IL9R: variants seen among roughly 807,000 people sequenced by gnomAD.
IL9R encodes the protein interleukin 9 receptor, also known as interleukin-9 receptor.
IL9R carries 54 observed loss-of-function variants against 56.3 expected under a neutral mutation model. The ratio of observed to expected loss-of-function variants is 0.96; its 90% confidence interval spans 0.77 to 1.20. The LOEUF is 1.20. Ranked by LOEUF, IL9R falls within the 50% of genes most tolerant of loss-of-function variation. IL9R has a pLI of 0.00. For synonymous variants in IL9R, 212 were observed against 250.2 expected (o/e 0.85, Z 1.44); for missense variants, 545 against 629.8 (o/e 0.87, Z 1.44).
intron 1 of IL9R, among the ~76,000 whole-genome samples, chrX:155,999,061 G>A (rs1420138812): frequency 2.0e-5 from 3 of 152,098 alleles, no homozygotes; most frequent in African/African-American, 7.2e-5. Flanking sequence ...AGAGTTGCCT[G>A]TGCTCAGGCT....
At chrX:155,997,913 G>A in intron 1 of IL9R, 126 bp downstream of exon 1, 2 of 871,752 alleles carry the variant, frequency 2.3e-6, no homozygotes, top group East Asian at 2.4e-5. Flanking sequence ...CGCCACCCTA[G>A]CTTTACCTCC....
chrX:156,006,102 G>C lies in IL9R; in HGVS notation c.801G>C (p.Trp267Cys). The change falls in exon 7 of 9, where the codon TGG (tryptophan) becomes TGC (cysteine). Residue 267 changes from tryptophan (W) to cysteine (C), a missense_variant. Coordinates refer to ENST00000244174, the MANE Select transcript of IL9R (RefSeq NM_002186.3). ...CCACAGGCCCTCTGATCCCACCCTG[G>C]GGGTGGCCAGGCAACACCCTTGTTG... ...PQRQGPLIPP[W>C]GWPGNTLVAV... The C allele has an allele frequency of 6.3e-7, 1 of 1,599,982 alleles. No individual in the cohort carries two copies. The highest frequency in any genetic ancestry group is 8.6e-7 in the Non-Finnish European group (1 of 1,169,114).
At chrX:155,999,522 C>T (rs1166211744) in intron 1 of IL9R, among the ~76,000 whole-genome samples, 2 of 152,112 alleles carry the variant, frequency 1.3e-5, no homozygotes, top group Non-Finnish European at 1.5e-5. Context: ...CCTGCCCATC[C>T]CTACCCCTGT....
intron 7 of IL9R, among the ~76,000 whole-genome samples, chrX:156,007,205 A>G (rs1204742509): frequency 1.7e-4 from 1 of 5,716 alleles, no homozygotes; most frequent in African/African-American, 1.1e-3. Flanking sequence ...GCTGATGGCA[A>G]AGACAGGGTT....
rs756848000 is a variant in IL9R at position 156,003,775 on chromosome X, TC to T, written c.354del (p.Phe118LeufsTer47). Reference sequence around the variant, plus strand: ...GCAGTGCTCGTGCCATCTGACAATTTCACCATCACTTTCCACCACTGCATGT... The same window carrying T: ...GCAGTGCTCGTGCCATCTGACAATTTACCATCACTTTCCACCACTGCATGT... ...PEAVLVPSDN[F>X]TITFHHCMSG... On this transcript the variant is annotated frameshift_variant, in exon 4 of 9. Transcript: ENST00000244174. LOFTEE classifies it high-confidence loss of function. 1.2e-6 allele frequency: 2 copies of T among 1,613,984 alleles called. No homozygotes were observed. Among genetic ancestry groups the T allele is most frequent in the Admixed American group, 3.3e-5 (2 of 60,024 alleles).
At chrX:156,009,641 G>A (rs2068358001) in intron 8 of IL9R, among the ~76,000 whole-genome samples, 175 bp from the exon 9 acceptor site, 2 of 137,516 alleles carry the variant, frequency 1.5e-5, no homozygotes, top group Admixed American at 1.4e-4. Flanking sequence ...GCTGGCACAT[G>A]GAGGAAAGAC....
At chrX:156,000,544 C>T (rs373013123) in intron 1 of IL9R, among the ~76,000 whole-genome samples, 80 of 152,288 alleles carry the variant, frequency 5.3e-4, no homozygotes, top group African/African-American at 1.5e-3. Context: ...GGCTCCCCAG[C>T]GGGACTGGGG....
intron 1 of IL9R, among the ~76,000 whole-genome samples, chrX:155,998,852 G>T (rs1356093537): frequency 2.6e-5 from 4 of 152,096 alleles, no homozygotes; most frequent in African/African-American, 9.7e-5. Flanking sequence ...CAGTGGGGCA[G>T]CAAGGCTGTG....
rs143145062 is a variant in IL9R, at chrX:156,005,363, C to G, written c.665C>G (p.Ala222Gly). ...FELDPGFIHE[A>G]RLRVQMATLE... ...CTGGACCCTGGCTTTATCCATGAGG[C>G]CAGGCTGCGTGTCCAGATGGCCACA... Residue 222 changes from alanine to glycine, a missense_variant, in exon 6 of 9, where the codon GCC becomes GGC. By Grantham distance (60) the Ala-to-Gly change is moderately conservative. Transcript: ENST00000244174. 6.2e-7 allele frequency: 1 copy of G among 1,612,770 alleles called. No homozygotes were observed. Among genetic ancestry groups the G allele is most frequent in the Non-Finnish European group, 8.5e-7 (1 of 1,179,780 alleles).
In IL9R at chrX:156,002,948, C is replaced by T. The variant is rs1432722600; in HGVS notation, c.71C>T (p.Thr24Ile). Residue 24 changes from threonine to isoleucine, a missense_variant, in exon 2 of 9, where the codon ACC becomes ATC. Coordinates refer to ENST00000244174, the MANE Select transcript of IL9R (RefSeq NM_002186.3). ...GAGGCCCTGAGGCGAGACATGGGCACCTGGCTCCTGGCCTGCATCTGCATC... is the reference window on the plus strand; with the variant it reads ...GAGGCCCTGAGGCGAGACATGGGCATCTGGCTCCTGGCCTGCATCTGCATC... ...ESEALRRDMGTWLLACICICT... is the reference protein window; with the variant it reads ...ESEALRRDMGIWLLACICICT... 3 of 1,613,784 alleles carry T rather than the reference C, an allele frequency of 1.9e-6. No homozygotes were observed. The highest frequency in any genetic ancestry group is 2.2e-5 in the East Asian group (1 of 44,872).
intron 2 of IL9R, 24 bp from the exon 3 acceptor site, chrX:156,003,425 G>C (rs750772321): frequency 3.2e-6 from 5 of 1,540,088 alleles, no homozygotes; most frequent in Non-Finnish European, 4.5e-6. Context: ...CTTACCGTGG[G>C]CTCCTGATGG....
In IL9R at chrX:156,005,442, G is replaced by C. The variant is rs768099292; in HGVS notation, c.744G>C (p.Trp248Cys). The part of the protein sequence containing the change: ...EERYTGQWSE[W>C]SQPVCFQAPQ... ...GTTATACAGGCCAGTGGAGTGAGTG[G>C]AGCCAGCCTGTGTGCTTCCAGGCTC... The change falls in exon 6 of 9, where the codon TGG (tryptophan) becomes TGC (cysteine). Residue 248 changes from tryptophan to cysteine, a missense_variant. Around this residue, in one of 2 missense-constraint regions of IL9R, gnomAD observed 431 missense variants for 360.0 expected, o/e 1.20. Coordinates refer to ENST00000244174, the MANE Select transcript of IL9R (RefSeq NM_002186.3). The C allele has an allele frequency of 3.1e-6, 5 of 1,613,106 alleles. No homozygotes were observed. The highest frequency in any genetic ancestry group is 2.2e-5 in the South Asian group (2 of 91,016).
In IL9R at chrX:156,001,732, G is replaced by A. The variant is rs763354004; in HGVS notation, c.29-1174G>A. Among the ~76,000 whole-genome samples, 12 of 152,190 alleles carry A rather than the reference G, an allele frequency of 7.9e-5. No homozygotes were observed. In the South Asian group the frequency reaches 1.9e-3, roughly 24 times the overall value. On this transcript the variant is annotated intron_variant, in intron 1 of 8. Coordinates refer to ENST00000244174, the MANE Select transcript of IL9R (RefSeq NM_002186.3). ...CCCTGCTTCCTGCCTAGGGGCTATCGGTGTACCATCTGGAGTTGCAAATGG... is the reference window on the plus strand; with the variant it reads ...CCCTGCTTCCTGCCTAGGGGCTATCAGTGTACCATCTGGAGTTGCAAATGG...
chrX:156,006,321 T>A, intron 7 of IL9R, 133 bp downstream of exon 7: 1 of 634,094 alleles, frequency 1.6e-6, no homozygotes, highest in South Asian at 1.8e-5. Flanking sequence ...GCCGCCCTTG[T>A]CTGGTTCCTC....
At position 156,004,553 on chromosome X, in the gene IL9R, A is replaced by G; in HGVS notation, c.567A>G (p.Glu189=). The G allele has an allele frequency of 6.2e-7, 1 of 1,612,678 alleles. No homozygotes were observed. Among genetic ancestry groups the G allele is most frequent in the Non-Finnish European group, 8.5e-7 (1 of 1,179,854 alleles). ...LSYELAFKKQ[E]EAWEQAQHRD... is the part of the protein sequence containing the mutation. Reference sequence around the variant, plus strand: ...ATGAGCTGGCCTTCAAGAAGCAGGAAGAGGCCTGGGAGGTAACACTTTGGC... The same window carrying G: ...ATGAGCTGGCCTTCAAGAAGCAGGAGGAGGCCTGGGAGGTAACACTTTGGC... Residue 189 remains glutamate (E), a synonymous_variant, in exon 5 of 9, where the codon GAA becomes GAG. Coordinates refer to ENST00000244174, the MANE Select transcript of IL9R (RefSeq NM_002186.3).
In IL9R at chrX:155,997,729, A is replaced by G; in HGVS notation, c.-31A>G. ...CCCAGAGATAGTTGGGTGACAAATC[A>G]CCTCCAGGTTGGGGATGCCTCAGAC... On this transcript the variant is annotated 5_prime_UTR_variant, in exon 1 of 9. Transcript: ENST00000244174. 2 of 1,612,064 alleles carry G rather than the reference A, an allele frequency of 1.2e-6. No homozygotes were observed. The highest frequency in any genetic ancestry group is 1.7e-6 in the Non-Finnish European group (2 of 1,178,342).
downstream of IL9R, among the ~76,000 whole-genome samples, chrX:156,011,381 G>GAT (rs1185477637): frequency 4.7e-5 from 5 of 106,258 alleles, 1 homozygote; most frequent in Non-Finnish European, 8.4e-5. Flanking sequence ...AACAGAAGTT[G>GAT]ATATTAGGCC....
chrX:156,002,945 G>A lies in IL9R; in HGVS notation c.68G>A (p.Gly23Asp). 3 of 1,613,914 alleles carry A rather than the reference G, an allele frequency of 1.9e-6. No homozygotes were observed. The highest frequency in any genetic ancestry group is 1.3e-5 in the African/African-American group (1 of 75,042). The change falls in exon 2 of 9, where the codon GGC becomes GAC. Residue 23 changes from glycine (G) to aspartate (D), a missense_variant. Around this residue, in one of 2 missense-constraint regions of IL9R, gnomAD observed 431 missense variants for 360.0 expected, o/e 1.20. Coordinates refer to ENST00000244174, the MANE Select transcript of IL9R (RefSeq NM_002186.3). ...AGTGAGGCCCTGAGGCGAGACATGG[G>A]CACCTGGCTCCTGGCCTGCATCTGC... ...LESEALRRDM[G>D]TWLLACICIC...
intron 8 of IL9R, among the ~76,000 whole-genome samples, chrX:156,008,335 A>G (rs1278399444): frequency 2.0e-5 from 3 of 151,278 alleles, no homozygotes; most frequent in Non-Finnish European, 4.4e-5. Flanking sequence ...TCTTCTCCAG[A>G]ATCTTCCCTC....
Sources: allele counts gnomAD v4.1 joint callset (sites outside exome capture counted in the v4.1 genomes callset), GRCh38; gene constraint gnomAD v4.1.1; regional missense constraint gnomAD v4.1.1; transcripts MANE v1.5; gene names NCBI Gene and HGNC (gene_info 2026-07-23, HGNC 2026-07-21).